SEPTIN10: variants seen among roughly 807,000 people sequenced by gnomAD.
SEPTIN10 encodes septin 10, also known as septin-10.
A neutral mutation model predicts 54.8 loss-of-function variants in SEPTIN10; 66 were observed. The observed-to-expected ratio is 1.21, with a 90% confidence interval of 0.99 to 1.48. SEPTIN10 has a LOEUF of 1.48. Among genes scored for constraint, SEPTIN10 ranks in the 40% most tolerant of loss-of-function variants. The pLI is 0.00. For synonymous variants in SEPTIN10, 161 were observed against 181.0 expected (o/e 0.89, Z 0.89); for missense variants, 620 against 545.6 (o/e 1.14, Z -1.36).
At chr2:109,553,544 C>CCA (rs1683589733) in intron 8 of SEPTIN10, among the ~76,000 whole-genome samples, 1 of 95,514 alleles carries the variant, frequency 1.0e-5, no homozygotes, top group African/African-American at 3.8e-5. Flanking sequence ...ACTCTGTCTC[C>CCA]AAAAAAAAAA....
chr2:109,596,006 C>T (rs1240669280), intron 1 of SEPTIN10, among the ~76,000 whole-genome samples: 1 of 152,092 alleles, frequency 6.6e-6, no homozygotes, highest in East Asian at 1.9e-4. Context: ...ATTATTTTGA[C>T]TTGTCAAGTA....
chr2:109,564,202 A>T, intron 8 of SEPTIN10, 164 bp downstream of exon 8: 1 of 545,726 alleles, frequency 1.8e-6, no homozygotes, highest in Non-Finnish European at 2.9e-6. Context: ...AGCAAGAAGG[A>T]GTCAAGTGAT....
At chr2:109,551,705 A>G (rs1226398933) in intron 9 of SEPTIN10, among the ~76,000 whole-genome samples, 2 of 152,252 alleles carry the variant, frequency 1.3e-5, no homozygotes, top group Non-Finnish European at 1.5e-5. Flanking sequence ...TATTACTTTT[A>G]CAAAACCATT....
chr2:109,579,540 C>T (rs1476233080), intron 4 of SEPTIN10, among the ~76,000 whole-genome samples: 2 of 151,860 alleles, frequency 1.3e-5, no homozygotes, highest in Non-Finnish European at 2.9e-5. Context: ...CCTGCCACCA[C>T]GCCTGGCTAA....
At chr2:109,572,609 CTTTTTTTT>C (rs60520770) in intron 5 of SEPTIN10, among the ~76,000 whole-genome samples, 14 of 111,202 alleles carry the variant, frequency 1.3e-4, no homozygotes, top group South Asian at 3.0e-4. Context: ...TTTAAAACAA[CTTTTTTTT>C]TTTTTTTTTT....
intron 2 of SEPTIN10, among the ~76,000 whole-genome samples, chr2:109,589,713 T>A (rs1343540254): frequency 6.6e-6 from 1 of 151,490 alleles, no homozygotes; most frequent in African/African-American, 2.4e-5. Context: ...TCCTATGAAG[T>A]TAAACACATA....
chr2:109,582,883 A>T (rs1054491705), intron 4 of SEPTIN10, among the ~76,000 whole-genome samples: 1 of 152,232 alleles, frequency 6.6e-6, no homozygotes, highest in African/African-American at 2.4e-5. Flanking sequence ...GCACACCTAC[A>T]GGCATCTGAT....
rs187004491 is a variant in SEPTIN10 at position 109,602,590 on chromosome 2, G to C, written c.31-9471C>G. Among the ~76,000 whole-genome samples, 5 of 151,238 alleles carry C rather than the reference G, an allele frequency of 3.3e-5. No individual in the cohort carries two copies. The East Asian group carries it at 7.8e-4, about 24-fold the overall frequency. On this transcript the variant is annotated intron_variant, in intron 1 of 10. Coordinates refer to ENST00000397712, the MANE Select transcript of SEPTIN10 (RefSeq NM_144710.5). ...CTCGGGAGGGTGAGGCAGGAGAATC[G>C]CTTGAACCTGGGAGGCAGAGGTTGC...
intron 1 of SEPTIN10, among the ~76,000 whole-genome samples, chr2:109,609,077 A>C (rs1037235556): frequency 6.6e-6 from 1 of 152,210 alleles, no homozygotes; most frequent in African/African-American, 2.4e-5. Context: ...ATCCAAACAT[A>C]ACCTGGCACT....
chr2:109,568,394 G>C (rs1687579867), intron 5 of SEPTIN10, among the ~76,000 whole-genome samples: 1 of 126,748 alleles, frequency 7.9e-6, no homozygotes, highest in African/African-American at 3.0e-5. Flanking sequence ...TTTTTTTTGA[G>C]ATGGAGTCTC....
chr2:109,603,270 T>C lies in SEPTIN10; in HGVS notation c.31-10151A>G, dbSNP rs554006511. On this transcript the variant is annotated intron_variant, in intron 1 of 10. Transcript: ENST00000397712. The stretch of plus-strand genomic sequence containing the variant: ...TTTTTTTTTTGAGACAGTCTCACTG[T>C]GTCACCCAGGCTGGAGTGCAGTGGC... 3.6e-3 allele frequency among the ~76,000 whole-genome samples: 544 copies of C among 152,098 alleles called. 1 individual carries two copies. The highest frequency in any genetic ancestry group is 0.014 in the Middle Eastern group (4 of 294).
intron 4 of SEPTIN10, among the ~76,000 whole-genome samples, chr2:109,584,895 CATTTT>C (rs1328180661): frequency 1.3e-5 from 2 of 152,074 alleles, no homozygotes. Context: ...CTGAAATGCA[CATTTT>C]AATAAGGTGA....
At chr2:109,575,695 G>A (rs1174528394) in intron 4 of SEPTIN10, among the ~76,000 whole-genome samples, 1 of 152,208 alleles carries the variant, frequency 6.6e-6, no homozygotes, top group Non-Finnish European at 1.5e-5. Flanking sequence ...GGGTTTCCAA[G>A]TGAAAATAAC....
intron 1 of SEPTIN10, chr2:109,613,580 C>G (rs973667570): frequency 1.1e-5 from 3 of 269,498 alleles, no homozygotes; most frequent in African/African-American, 6.7e-5. Flanking sequence ...CGCCGCGCCC[C>G]GCGAACCGGG....
chr2:109,554,171 G>A (rs1305963226), intron 8 of SEPTIN10, among the ~76,000 whole-genome samples: 3 of 152,134 alleles, frequency 2.0e-5, no homozygotes, highest in African/African-American at 7.2e-5. Context: ...TGGTGCATCA[G>A]TGAGTGATGG....
chr2:109,599,637 T>A (rs1696175768), intron 1 of SEPTIN10, among the ~76,000 whole-genome samples: 3 of 151,980 alleles, frequency 2.0e-5, no homozygotes, highest in African/African-American at 7.3e-5. Flanking sequence ...ACCATCAAAC[T>A]CCAACAAATA....
intron 2 of SEPTIN10, among the ~76,000 whole-genome samples, chr2:109,590,053 T>A (rs1573727651): frequency 6.8e-6 from 1 of 147,514 alleles, no homozygotes; most frequent in East Asian, 2.0e-4. Flanking sequence ...TATATATGTG[T>A]GTGTATATAT....
chr2:109,564,915 G>A (rs150430358), intron 7 of SEPTIN10, among the ~76,000 whole-genome samples: 279 of 152,272 alleles, frequency 1.8e-3, no homozygotes, highest in Middle Eastern at 6.8e-3. Context: ...TGTAATATTA[G>A]TTCACTAAAA....
At chr2:109,586,364 TTGAGGGAAGGAAACTTATCAGGTGAGA>T (rs1271778785) in intron 2 of SEPTIN10, among the ~76,000 whole-genome samples, 1 of 152,112 alleles carries the variant, frequency 6.6e-6, no homozygotes, top group Non-Finnish European at 1.5e-5. Context: ...AGAATAAGAC[TTGAGGGAAGGAAACTTATCAGGTGAGA>T]TGAGTTTATC....
Sources: gnomAD v4.1 joint callset for allele counts (sites outside exome capture counted in the v4.1 genomes callset) on GRCh38, gnomAD v4.1.1 for gene constraint, MANE v1.5 for transcripts, NCBI Gene and HGNC (gene_info 2026-07-23, HGNC 2026-07-21) for gene names.